ZNF536: variants seen among roughly 807,000 people sequenced by gnomAD.
ZNF536 encodes the protein zinc finger protein 536.
Under a neutral mutation model 84.5 loss-of-function variants are expected in ZNF536, and 13 were observed. The ratio of observed to expected loss-of-function variants is 0.15; its 90% confidence interval spans 0.10 to 0.24. The LOEUF (loss-of-function observed/expected upper bound fraction) is 0.24, where lower values mean the gene tolerates loss of function less well. ZNF536 is among the 10% of genes least tolerant of loss of function. ZNF536 has a pLI of 1.00. For missense variants in ZNF536, 1,536 were observed against 1,747.5 expected, an observed-to-expected ratio of 0.88 and a Z score of 2.16; for synonymous variants, 811 against 742.5, an observed-to-expected ratio of 1.09 and a Z score of -1.50.
intron 1 of ZNF536, among the ~76,000 whole-genome samples, chr19:30,680,912 C>T (rs972495089): frequency 5.3e-5 from 8 of 152,142 alleles, no homozygotes; most frequent in Non-Finnish European, 8.8e-5. Flanking sequence ...TCTCCAGCAC[C>T]TGTTGTTTCC....
At chr19:30,628,429 A>AC (rs1354307368) in intron 1 of ZNF536, among the ~76,000 whole-genome samples, 1 of 82,114 alleles carries the variant, frequency 1.2e-5, no homozygotes, top group Non-Finnish European at 2.3e-5. Context: ...TCCAGTAGTC[A>AC]CTTTTTTTTT....
chr19:30,381,630 T>C (rs550921270), intron 1 of ZNF536, among the ~76,000 whole-genome samples: 26 of 152,292 alleles, frequency 1.7e-4, no homozygotes, highest in African/African-American at 6.3e-4. Flanking sequence ...TAGGCCATAA[T>C]GGCCCCAGGT....
At chr19:30,505,666 A>G (rs947715169) in intron 2 of ZNF536, among the ~76,000 whole-genome samples, 2 of 152,070 alleles carry the variant, frequency 1.3e-5, no homozygotes, top group East Asian at 1.9e-4. Context: ...AAACGATAGC[A>G]TAAGTCTGTA....
At chr19:30,410,823 C>G (rs2050463932) in intron 1 of ZNF536, among the ~76,000 whole-genome samples, 1 of 152,106 alleles carries the variant, frequency 6.6e-6, no homozygotes, top group Non-Finnish European at 1.5e-5. Context: ...TCAATTTCAC[C>G]CTCTTCTCAA....
At chr19:30,463,667 G>A (rs1431528490) in intron 2 of ZNF536, among the ~76,000 whole-genome samples, 1 of 152,168 alleles carries the variant, frequency 6.6e-6, no homozygotes, top group African/African-American at 2.4e-5. Context: ...AGCACAAAAG[G>A]CACTTTGCCC....
chr19:30,409,161 C>A lies in ZNF536; in HGVS notation c.-2-34400C>A, dbSNP rs539919260. On this transcript the variant is annotated intron_variant, in intron 1 of 4. Coordinates refer to ENST00000355537, the MANE Select transcript of ZNF536 (RefSeq NM_014717.3). Reference sequence around the variant, plus strand: ...GATCCATTCATCCATCTATCCATATCTTTCTATCTAAACATTCATCTCTGG... The same window carrying A: ...GATCCATTCATCCATCTATCCATATATTTCTATCTAAACATTCATCTCTGG... Among the ~76,000 whole-genome samples the A allele has an allele frequency of 2.0e-5, 3 of 152,330 alleles. No individual in the cohort carries two copies. The East Asian group carries it at 5.8e-4, about 29-fold the overall frequency.
chr19:30,659,073 C>T (rs1296176962), intron 1 of ZNF536, among the ~76,000 whole-genome samples: 3 of 152,126 alleles, frequency 2.0e-5, no homozygotes, highest in African/African-American at 7.2e-5. Context: ...CTCAGAGATT[C>T]TTGAACTCTT....
chr19:30,565,456 G>C (rs1436374344), intron 1 of ZNF536, among the ~76,000 whole-genome samples: 1 of 152,164 alleles, frequency 6.6e-6, no homozygotes, highest in African/African-American at 2.4e-5. Flanking sequence ...AGCACTTCTG[G>C]ACCCCAGCCA....
chr19:30,323,004 T>TG (rs2146271653), intron 2 of ZNF536, among the ~76,000 whole-genome samples: 1 of 152,276 alleles, frequency 6.6e-6, no homozygotes, highest in East Asian at 1.9e-4. Context: ...TCCCATTGAC[T>TG]GGAAGACCCA....
intron 1 of ZNF536, among the ~76,000 whole-genome samples, chr19:30,408,738 C>T (rs942965775): frequency 5.9e-5 from 9 of 151,710 alleles, no homozygotes; most frequent in Admixed American, 2.0e-4. Flanking sequence ...ATTGATCCAT[C>T]GGTCCATCTG....
intron 1 of ZNF536, among the ~76,000 whole-genome samples, chr19:30,267,765 G>C (rs2025590815): frequency 1.3e-5 from 2 of 152,076 alleles, no homozygotes. Flanking sequence ...CCTTACTTTA[G>C]TTCTTTCTCT....
intron 2 of ZNF536, among the ~76,000 whole-genome samples, chr19:30,446,248 CAAAAAAAAAAAAAAA>C (rs1177505634): frequency 1.0e-4 from 3 of 29,178 alleles, no homozygotes; most frequent in Non-Finnish European, 1.7e-4. Flanking sequence ...GACACTGTCT[CAAAAAAAAAAAAAAA>C]AAAAAAAAAA....
intron 2 of ZNF536, among the ~76,000 whole-genome samples, chr19:30,507,055 T>C (rs756218851): frequency 1.2e-4 from 19 of 152,200 alleles, no homozygotes; most frequent in Non-Finnish European, 2.2e-4. Flanking sequence ...TTAGTGAATA[T>C]TTTGCATGTC....
chr19:30,580,890 C>T (rs564435057), intron 1 of ZNF536, among the ~76,000 whole-genome samples: 31 of 152,272 alleles, frequency 2.0e-4, no homozygotes, highest in African/African-American at 7.5e-4. Context: ...AGACTGTGTC[C>T]ACAGGAAGTG....
rs138250621 is a variant in ZNF536 at position 30,630,219 on chromosome 19, G to A, written c.170-80538G>A. 3.3e-3 allele frequency among the ~76,000 whole-genome samples: 498 copies of A among 152,280 alleles called. 2 individuals carry two copies. Among genetic ancestry groups the A allele is most frequent in the African/African-American group, 0.011 (451 of 41,542 alleles). ...TCTTCATCCATTCATTCTCTCATTC[G>A]TTCATTTATTCATTGAACAATATTG... On this transcript the variant is annotated intron_variant, in intron 1 of 1. Coordinates refer to the ZNF536 transcript ENST00000592773.
At chr19:30,407,634 T>C (rs537911524) in intron 1 of ZNF536, among the ~76,000 whole-genome samples, 163 of 152,312 alleles carry the variant, frequency 1.1e-3, no homozygotes, top group African/African-American at 3.8e-3. Flanking sequence ...GGAATGGACA[T>C]CCCTGGGTGA....
At chr19:30,247,505 A>G (rs1306374630) in intron 1 of ZNF536, among the ~76,000 whole-genome samples, 3 of 152,122 alleles carry the variant, frequency 2.0e-5, no homozygotes, top group Non-Finnish European at 4.4e-5. Context: ...CTGATGGGTT[A>G]CACCTCGAAC....
rs992806626 is a variant in ZNF536, at chr19:30,353,953, A to G, written c.-3+1469A>G. ...GGCTTCCTCCGGGGGCAGTGAGTAC[A>G]TCAGTTTGTTCTGGAACATTCCACT... On this transcript the variant is annotated intron_variant, in intron 3 of 5. Coordinates refer to the ZNF536 transcript ENST00000585628. 1.1e-4 allele frequency among the ~76,000 whole-genome samples: 16 copies of G among 152,274 alleles called. No homozygotes were observed. The Middle Eastern group carries it at 0.014, about 129-fold the overall frequency.
chr19:30,614,308 T>C (rs1463302740), intron 1 of ZNF536, among the ~76,000 whole-genome samples: 1 of 152,230 alleles, frequency 6.6e-6, no homozygotes, highest in Admixed American at 6.5e-5. Flanking sequence ...CTAGTTCCTT[T>C]GTAGAGTTCT....
Sources: gnomAD v4.1 joint callset for allele counts (sites outside exome capture counted in the v4.1 genomes callset) on GRCh38, gnomAD v4.1.1 for gene constraint, MANE v1.5 for transcripts, NCBI Gene and HGNC (gene_info 2026-07-23, HGNC 2026-07-21) for gene names.